TMCO4: variants seen among roughly 807,000 people sequenced by gnomAD.
TMCO4 encodes transmembrane and coiled-coil domain-containing protein 4.
A neutral mutation model predicts 64.7 loss-of-function variants in TMCO4; 58 were observed. That is an observed-to-expected ratio of 0.90 (90% CI 0.73 to 1.12). The LOEUF is 1.12. TMCO4 is among the 50% of genes most tolerant of loss of function. TMCO4 has a pLI of 0.00. For synonymous variants in TMCO4, 325 were observed against 346.1 expected (o/e 0.94, Z 0.68); for missense variants, 780 against 825.9 (o/e 0.94, Z 0.68).
At chr1:19,747,073 C>G in intron 8 of TMCO4, 90 bp downstream of exon 8, 1 of 1,348,284 alleles carries the variant, frequency 7.4e-7, no homozygotes, top group Non-Finnish European at 1.1e-6. Context: ...CCCAGCTGAG[C>G]CCCTGCACTC....
chr1:19,683,141 G>A lies in TMCO4; in HGVS notation c.1804C>T (p.Pro602Ser), dbSNP rs761921772. 1 of 1,614,034 alleles carries A rather than the reference G, an allele frequency of 6.2e-7. No individual in the cohort carries two copies. Among genetic ancestry groups the A allele is most frequent in the Non-Finnish European group, 8.5e-7 (1 of 1,179,956 alleles). The change falls in exon 16 of 16, where the codon CCT becomes TCT. Residue 602 changes from proline (P) to serine (S), a missense_variant. By Grantham distance (74) the Pro-to-Ser change is moderately conservative (BLOSUM62 -1). Coordinates refer to ENST00000294543, the MANE Select transcript of TMCO4 (RefSeq NM_181719.7). ...TGGCTGCAGATGGGGGGCCTTTCAG[G>A]GCTGGCAGCAGCAGGAAGGGAGGCC... ...EGASLPAAASPERPPICSHGM... is the reference protein window; with the variant it reads ...EGASLPAAASSERPPICSHGM...
chr1:19,746,991 T>C (rs904727001), intron 8 of TMCO4, among the ~76,000 whole-genome samples, 172 bp downstream of exon 8: 6 of 146,602 alleles, frequency 4.1e-5, no homozygotes, highest in East Asian at 2.0e-4. Flanking sequence ...CTGCCTCCCA[T>C]GGAAGTTTCT....
At position 19,682,604 on chromosome 1, in the gene TMCO4, T is replaced by C; in HGVS notation, c.*436A>G. On this transcript the variant is annotated 3_prime_UTR_variant, in exon 16 of 16. Transcript: ENST00000294543. ...CTGGTGGGCAGCCCTGGAGTGTGGA[T>C]GGAAGAACAGGCATGCACCTGGTTT... The C allele has an allele frequency of 5.6e-6, 4 of 717,438 alleles. No homozygotes were observed. 44.4% of individuals were successfully genotyped at this position (717,438 alleles called of 1,614,324 possible).
At chr1:19,768,512 G>T (rs1162501473) in intron 6 of TMCO4, among the ~76,000 whole-genome samples, 15 of 152,172 alleles carry the variant, frequency 9.9e-5, no homozygotes, top group Non-Finnish European at 1.5e-5. Context: ...AGGGGGTGCA[G>T]AGAGAAAATG....
intron 14 of TMCO4, 116 bp downstream of exon 14, chr1:19,700,651 TG>T (rs1242427520): frequency 2.0e-6 from 2 of 1,013,250 alleles, no homozygotes; most frequent in Admixed American, 2.1e-5. Context: ...GGCCGGTTCC[TG>T]GGATCTTCCA....
chr1:19,751,700 C>T (rs909241341), intron 7 of TMCO4, among the ~76,000 whole-genome samples: 1 of 152,200 alleles, frequency 6.6e-6, no homozygotes, highest in Non-Finnish European at 1.5e-5. Flanking sequence ...TCTCTCCTAA[C>T]GTTCAGCTGA....
intron 4 of TMCO4, among the ~76,000 whole-genome samples, chr1:19,776,389 GAC>G (rs1406408459): frequency 1.3e-5 from 2 of 152,182 alleles, no homozygotes; most frequent in East Asian, 1.9e-4. Flanking sequence ...GGGGGTGGGA[GAC>G]ACAGGACAGT....
intron 14 of TMCO4, among the ~76,000 whole-genome samples, chr1:19,700,214 C>T (rs2095262629): frequency 6.6e-6 from 1 of 152,146 alleles, no homozygotes; most frequent in Admixed American, 6.5e-5. Flanking sequence ...CAGCCGCCAG[C>T]CTTCACGGGC....
At position 19,699,881 on chromosome 1, in the gene TMCO4, GCT is replaced by G. The variant is rs143979125; in HGVS notation, c.1382+885_1382+886del. Among the ~76,000 whole-genome samples, 134 of 152,252 alleles carry G rather than the reference GCT, an allele frequency of 8.8e-4. 3 individuals are homozygous for G. In the East Asian group the frequency reaches 9.5e-3, roughly 11 times the overall value. On this transcript the variant is annotated intron_variant, in intron 14 of 15. Transcript: ENST00000294543. ...ATACATGCAAACACACACACGTTCAGCTCTGTAAATCCTTCAAGCATCATCAC... is the reference window on the plus strand; with the variant it reads ...ATACATGCAAACACACACACGTTCAGCTGTAAATCCTTCAAGCATCATCAC...
Position 19,762,494 on chromosome 1 carries a change from C to T in TMCO4, c.383-6728G>A, listed in dbSNP as rs796897283. 7.9e-5 allele frequency among the ~76,000 whole-genome samples: 12 copies of T among 152,334 alleles called. 2 individuals are homozygous for T. Among genetic ancestry groups the T allele is most frequent in the African/African-American group, 2.9e-4 (12 of 41,576 alleles). ...CTGGAGCCAACTGGTCCCCCTGCTT[C>T]AACAAGAGCAAGGGGCATGTCCAGA... On this transcript the variant is annotated intron_variant, in intron 6 of 15. Coordinates refer to ENST00000294543, the MANE Select transcript of TMCO4 (RefSeq NM_181719.7).
chr1:19,739,727 CA>C, intron 12 of TMCO4, 96 bp downstream of exon 12: 1 of 1,512,744 alleles, frequency 6.6e-7, no homozygotes, highest in Non-Finnish European at 8.8e-7. Flanking sequence ...GAGTTATCTC[CA>C]AGTAGCCTTG....
chr1:19,711,357 C>T (rs184069177), intron 13 of TMCO4, among the ~76,000 whole-genome samples: 7 of 152,324 alleles, frequency 4.6e-5, no homozygotes, highest in South Asian at 2.1e-4. Flanking sequence ...TGATGCAAGA[C>T]GCCTGGCTTT....
intron 13 of TMCO4, among the ~76,000 whole-genome samples, chr1:19,716,009 C>A (rs1475968451): frequency 2.6e-5 from 4 of 152,086 alleles, no homozygotes; most frequent in Non-Finnish European, 4.4e-5. Flanking sequence ...TTTGGGTAAA[C>A]CCTCAACTAT....
At chr1:19,721,791 A>G (rs954545208) in intron 13 of TMCO4, among the ~76,000 whole-genome samples, 2 of 151,634 alleles carry the variant, frequency 1.3e-5, no homozygotes, top group African/African-American at 2.4e-5. Flanking sequence ...CCTGTCTCAA[A>G]CAAAACAAAA....
At chr1:19,792,794 A>G (rs2044114995) in intron 2 of TMCO4, among the ~76,000 whole-genome samples, 1 of 117,288 alleles carries the variant, frequency 8.5e-6, no homozygotes, top group Admixed American at 9.8e-5. Context: ...TTTTTCAGAC[A>G]AAGTCTTGTT....
At chr1:19,768,120 C>A (rs1224929209) in intron 6 of TMCO4, among the ~76,000 whole-genome samples, 1 of 149,626 alleles carries the variant, frequency 6.7e-6, no homozygotes, top group African/African-American at 2.5e-5. Context: ...AAAAGAGGAT[C>A]ATCCAAGTTG....
chr1:19,722,856 T>C (rs1295138215), intron 13 of TMCO4, among the ~76,000 whole-genome samples: 1 of 152,106 alleles, frequency 6.6e-6, no homozygotes, highest in East Asian at 1.9e-4. Flanking sequence ...GCAGGAACAC[T>C]GTGATCCTCA....
chr1:19,738,221 C>T (rs1297821088), intron 12 of TMCO4: 1 of 152,268 alleles, frequency 6.6e-6, no homozygotes, highest in Non-Finnish European at 1.5e-5. Context: ...ACTCCACTTA[C>T]CACAGTAGAA....
At chr1:19,735,292 G>A (rs1323008011) in intron 13 of TMCO4, among the ~76,000 whole-genome samples, 2 of 152,172 alleles carry the variant, frequency 1.3e-5, no homozygotes, top group Non-Finnish European at 2.9e-5. Flanking sequence ...TTTGAGATAA[G>A]TGTACAAAGC....
Sources: allele counts gnomAD v4.1 joint callset (sites outside exome capture counted in the v4.1 genomes callset), GRCh38; gene constraint gnomAD v4.1.1; transcripts MANE v1.5; gene names NCBI Gene and HGNC (gene_info 2026-07-23, HGNC 2026-07-21).